Variants in THSD7A observed in about 807,000 individuals in gnomAD.
THSD7A encodes thrombospondin type 1 domain containing 7A.
A neutral mutation model predicts 231.3 loss-of-function variants in THSD7A; 96 were observed. The ratio of observed to expected loss-of-function variants is 0.41; its 90% CI spans 0.35 to 0.49. THSD7A has a LOEUF of 0.49. THSD7A is among the 20% of genes least tolerant of loss of function. THSD7A has a pLI of 0.05. For synonymous variants in THSD7A, 940 were observed against 743.3 expected, an observed-to-expected ratio of 1.26 and a Z score of -4.30; for missense variants, 2,290 against 2,070.2, an observed-to-expected ratio of 1.11 and a Z score of -2.06.
intron 1 of THSD7A, among the ~76,000 whole-genome samples, chr7:11,709,368 T>G (rs1476793807): frequency 6.6e-6 from 1 of 150,772 alleles, no homozygotes; most frequent in Non-Finnish European, 1.5e-5. Flanking sequence ...AATAAAAATC[T>G]ACTGGCATGA....
chr7:11,554,712 CTA>C (rs772040117), intron 4 of THSD7A, among the ~76,000 whole-genome samples: 2 of 151,776 alleles, frequency 1.3e-5, no homozygotes, highest in African/African-American at 2.4e-5. Flanking sequence ...GGATTTTTGT[CTA>C]TGTATGAGGC....
chr7:11,772,518 T>C (rs926026881), intron 1 of THSD7A, among the ~76,000 whole-genome samples: 1 of 152,186 alleles, frequency 6.6e-6, no homozygotes. Flanking sequence ...GTGGTACATA[T>C]ACACCATGAA....
chr7:11,436,336 C>T (rs1562607622), intron 13 of THSD7A, among the ~76,000 whole-genome samples: 1 of 151,996 alleles, frequency 6.6e-6, no homozygotes, highest in Non-Finnish European at 1.5e-5. Flanking sequence ...CTAATATTGC[C>T]ATGAAAGTAT....
chr7:11,518,299 G>A (rs1015010726), intron 6 of THSD7A, among the ~76,000 whole-genome samples: 2 of 152,128 alleles, frequency 1.3e-5, no homozygotes, highest in Non-Finnish European at 2.9e-5. Flanking sequence ...GATATGCAAG[G>A]GGAAAGCTTT....
intron 2 of THSD7A, among the ~76,000 whole-genome samples, chr7:11,600,600 G>T (rs1780516812): frequency 6.6e-6 from 1 of 152,096 alleles, no homozygotes; most frequent in Non-Finnish European, 1.5e-5. Flanking sequence ...GTGTTGATTT[G>T]TAGTTTAACT....
intron 13 of THSD7A, among the ~76,000 whole-genome samples, chr7:11,436,885 T>C (rs1784650675): frequency 6.6e-6 from 1 of 152,066 alleles, no homozygotes; most frequent in Admixed American, 6.6e-5. Flanking sequence ...TCCTGTTTTA[T>C]AAAATGTCTA....
intron 4 of THSD7A, among the ~76,000 whole-genome samples, chr7:11,553,237 C>CT (rs541486771): frequency 2.6e-3 from 395 of 152,160 alleles, no homozygotes; most frequent in African/African-American, 9.1e-3. Context: ...TATACATAAG[C>CT]TTTTTTTCAT....
intron 1 of THSD7A, among the ~76,000 whole-genome samples, chr7:11,769,177 T>TTTTTTTTTTTG: frequency 7.6e-6 from 1 of 131,524 alleles, no homozygotes. Context: ...TTGGTATTTT[T>TTTTTTTTTTTG]GTAGAGATGG....
rs550165414 is a variant in THSD7A, at chr7:11,388,388, G to C, written c.4412-5772C>G. 2.6e-5 allele frequency among the ~76,000 whole-genome samples: 4 copies of C among 152,146 alleles called. No individual in the cohort carries two copies. The South Asian group carries it at 8.3e-4, about 32-fold the overall frequency. Reference sequence around the variant, plus strand: ...AATTTTAGAACTTGTCGTCTATTCAGGGATTCGACTTCTTCCTGGTTTAGA... The same window carrying C: ...AATTTTAGAACTTGTCGTCTATTCACGGATTCGACTTCTTCCTGGTTTAGA... On this transcript the variant is annotated intron_variant, in intron 23 of 27. Coordinates refer to ENST00000423059, the MANE Select transcript of THSD7A (RefSeq NM_015204.3).
intron 1 of THSD7A, among the ~76,000 whole-genome samples, chr7:11,766,696 T>A (rs1450181121): frequency 6.6e-6 from 1 of 151,970 alleles, no homozygotes; most frequent in Admixed American, 6.6e-5. Context: ...GAATAAGGAG[T>A]GATCTACAGT....
intron 1 of THSD7A, among the ~76,000 whole-genome samples, chr7:11,777,875 A>T (rs7803575): frequency 6.6e-6 from 1 of 151,600 alleles, no homozygotes; most frequent in Admixed American, 6.6e-5. Flanking sequence ...CCTGGCCGGG[A>T]GCGGTGGCTC....
chr7:11,558,522 C>T (rs562361403), intron 4 of THSD7A, among the ~76,000 whole-genome samples: 1 of 152,094 alleles, frequency 6.6e-6, no homozygotes, highest in East Asian at 1.9e-4. Flanking sequence ...ACTGGGAAAC[C>T]TAGAATTGCA....
At chr7:11,390,423 A>C (rs1782934604) in intron 23 of THSD7A, among the ~76,000 whole-genome samples, 1 of 152,124 alleles carries the variant, frequency 6.6e-6, no homozygotes, top group South Asian at 2.1e-4. Flanking sequence ...ATGCTTCACG[A>C]AATTTTTGAG....
At chr7:11,401,733 A>C (rs1783410894) in intron 23 of THSD7A, 62 bp downstream of exon 23, 9 of 1,469,480 alleles carry the variant, frequency 6.1e-6, no homozygotes, top group Non-Finnish European at 8.2e-6. Context: ...TTTTTAACAG[A>C]CTATTTTTTT....
intron 1 of THSD7A, among the ~76,000 whole-genome samples, chr7:11,654,880 A>G (rs1257935346): frequency 3.3e-5 from 5 of 151,962 alleles, no homozygotes; most frequent in African/African-American, 7.2e-5. Flanking sequence ...TTCCAAGAAT[A>G]TAATAGAGAA....
chr7:11,752,266 T>C (rs1782529114), intron 1 of THSD7A, among the ~76,000 whole-genome samples: 1 of 152,058 alleles, frequency 6.6e-6, no homozygotes, highest in South Asian at 2.1e-4. Flanking sequence ...TTCAGTCTCA[T>C]GCACAAACAA....
chr7:11,817,343 C>T (rs185911825), intron 1 of THSD7A, among the ~76,000 whole-genome samples: 1 of 152,292 alleles, frequency 6.6e-6, no homozygotes, highest in Admixed American at 6.5e-5. Flanking sequence ...CTCCAACCTC[C>T]AGCATTGCCT....
chr7:11,799,967 A>G (rs577113678), intron 1 of THSD7A, among the ~76,000 whole-genome samples: 1 of 152,338 alleles, frequency 6.6e-6, no homozygotes, highest in African/African-American at 2.4e-5. Context: ...ATTTAAAAAT[A>G]ACATAGAACA....
At chr7:11,409,842 A>C (rs970797423) in intron 19 of THSD7A, among the ~76,000 whole-genome samples, 1 of 152,080 alleles carries the variant, frequency 6.6e-6, no homozygotes, top group Non-Finnish European at 1.5e-5. Context: ...TCCTGGGTTC[A>C]AGCGATTCTC....
Sources: gnomAD v4.1 joint callset for allele counts (sites outside exome capture counted in the v4.1 genomes callset) on GRCh38, gnomAD v4.1.1 for gene constraint, MANE v1.5 for transcripts, NCBI Gene and HGNC (gene_info 2026-07-23, HGNC 2026-07-21) for gene names.